The following ISG20 variants were observed in gnomAD, a reference collection of about 807,000 sequenced individuals.
ISG20 encodes interferon-stimulated gene 20 kDa protein.
A neutral mutation model predicts 11.1 loss-of-function variants in ISG20; 8 were observed. The observed-to-expected ratio is 0.72, with a 90% CI of 0.42 to 1.30. The LOEUF is 1.30. Ranked by LOEUF, ISG20 falls within the 50% of genes most tolerant of loss-of-function variation. ISG20 has a pLI of 0.01. For missense variants in ISG20, 243 were observed against 250.2 expected, an observed-to-expected ratio of 0.97 and a Z score of 0.19; for synonymous variants, 110 against 101.7, an observed-to-expected ratio of 1.08 and a Z score of -0.49.
intron 3 of ISG20, among the ~76,000 whole-genome samples, chr15:88,654,153 G>A (rs923953342): frequency 6.6e-6 from 1 of 152,136 alleles, no homozygotes; most frequent in African/African-American, 2.4e-5. Context: ...TGCTGGTGCT[G>A]CATTCTGCTT....
At chr15:88,651,398 C>T (rs570958723) in intron 2 of ISG20, 20 of 650,442 alleles carry the variant, frequency 3.1e-5, no homozygotes, top group Non-Finnish European at 3.6e-5. Flanking sequence ...GTGGGTCTCA[C>T]TGGTCTAAAA....
chr15:88,649,944 C>A, intron 2 of ISG20: 1 of 429,204 alleles, frequency 2.3e-6, no homozygotes, highest in Non-Finnish European at 4.3e-6. Flanking sequence ...CGCATAGTGA[C>A]CCTGGGCAAG....
chr15:88,647,433 A>G (rs1171265844), intron 2 of ISG20: 1 of 152,176 alleles, frequency 6.6e-6, no homozygotes, highest in East Asian at 1.9e-4. Flanking sequence ...CAAACATCTC[A>G]CAATGCCCAG....
In ISG20 at chr15:88,639,619, G is replaced by A. The variant is rs774569674; in HGVS notation, c.228+25G>A. ...GGTGAGTGAAGGCCCGGCCAGCAGGGGCTTTGGAAATAACCCCTCTCCCAC... is the reference window on the plus strand; with the variant it reads ...GGTGAGTGAAGGCCCGGCCAGCAGGAGCTTTGGAAATAACCCCTCTCCCAC... On this transcript the variant is annotated intron_variant, in intron 2 of 3. Transcript: ENST00000306072. This position sits in a 1 kb window ranked among gnomAD's most constrained non-coding sequence, Gnocchi z 4.2. The A allele has an allele frequency of 1.3e-6, 2 of 1,592,020 alleles. No homozygotes were observed. The highest frequency in any genetic ancestry group is 1.1e-5 in the South Asian group (1 of 90,588).
At position 88,655,891 on chromosome 15, in the gene ISG20, C is replaced by A. The variant is rs2058368163; in HGVS notation, c.*360C>A. On this transcript the variant is annotated 3_prime_UTR_variant, in exon 4 of 4. Transcript: ENST00000306072. Reference sequence around the variant, plus strand: ...CAGCCCTATTCCTGGTGCATTTATGCCCAGAGAGGTGGCATTATTTCCTGG... The same window carrying A: ...CAGCCCTATTCCTGGTGCATTTATGACCAGAGAGGTGGCATTATTTCCTGG... The A allele has an allele frequency of 3.5e-5, 6 of 173,722 alleles. No individual in the cohort carries two copies. The South Asian group carries it at 7.2e-4, about 21-fold the overall frequency. 10.8% of individuals were successfully genotyped at this position (173,722 alleles called of 1,614,324 possible).
intron 2 of ISG20, chr15:88,649,999 A>C: frequency 1.9e-6 from 1 of 524,194 alleles, no homozygotes; most frequent in Non-Finnish European, 3.5e-6. Context: ...TTGCCAGGGG[A>C]GAACATGTAA....
At position 88,656,138 on chromosome 15, in the gene ISG20, T is replaced by C. The variant is rs1371516518; in HGVS notation, c.*607T>C. ...TTTGACCTAAGGTGGTTTACTGAAC[T>C]TCTCAGTTTCTCCATCTGTAAAATG... On this transcript the variant is annotated 3_prime_UTR_variant, in exon 4 of 4. Transcript: ENST00000306072. The C allele has an allele frequency of 1.3e-5, 2 of 152,278 alleles. No individual in the cohort carries two copies. The highest frequency in any genetic ancestry group is 3.9e-4 in the East Asian group (2 of 5,194). 9.4% of individuals were successfully genotyped at this position (152,278 alleles called of 1,614,324 possible). A position where few individuals can be genotyped will look rare whatever the true frequency, so the allele number is the denominator to read the frequency against.
Position 88,656,464 on chromosome 15 carries a change from TA to T in ISG20, c.*938del, listed in dbSNP as rs2058376205. Reference sequence around the variant, plus strand: ...TTAATAATTTAGTGCTTCCACTAAATAAAAATCATTGGAATGGTGTCCAAGC... The same window carrying T: ...TTAATAATTTAGTGCTTCCACTAAATAAAATCATTGGAATGGTGTCCAAGC... On this transcript the variant is annotated 3_prime_UTR_variant, in exon 4 of 4. Transcript: ENST00000306072. The T allele has an allele frequency of 6.6e-6, 1 of 151,820 alleles. No individual in the cohort carries two copies. Among genetic ancestry groups the T allele is most frequent in the South Asian group, 2.1e-4 (1 of 4,824 alleles). The allele number at this position is 151,820 out of a possible 1,614,324, so 9.4% of individuals were successfully genotyped here.
Position 88,639,493 on chromosome 15 carries a change from A to C in ISG20, c.127A>C (p.Ile43Leu), listed in dbSNP as rs2058045030. ...VHGAVLYDKF[I>L]RPEGEITDYR... ...CGGTGCTGTGCTGTACGACAAGTTC[A>C]TCCGGCCTGAGGGAGAGATCACCGA... Residue 43 changes from isoleucine (I) to leucine (L), a missense_variant, in exon 2 of 4, where the codon ATC (isoleucine) becomes CTC (leucine). By Grantham distance (5) the Ile-to-Leu change is conservative. Transcript: ENST00000306072. This position sits in a 1 kb window ranked among gnomAD's most constrained non-coding sequence, Gnocchi z 4.2. 6.2e-7 allele frequency: 1 copy of C among 1,614,042 alleles called. No homozygotes were observed. Among genetic ancestry groups the C allele is most frequent in the Admixed American group, 1.7e-5 (1 of 60,008 alleles).
At position 88,652,205 on chromosome 15, in the gene ISG20, C is replaced by G; in HGVS notation, c.324C>G (p.Tyr108Ter). ...LKEDMSGYTI[Y>*]DTSTDRLLWR... ...AGGACATGAGCGGCTACACAATCTA[C>G]GACACGTCCACTGACAGGCTGTTGT... Residue 108 changes from tyrosine (Y) to a stop codon, truncating the protein, a stop_gained, in exon 3 of 4, where the codon TAC becomes TAG. Transcript: ENST00000306072. LOFTEE classifies it high-confidence loss of function. 11 of 1,614,070 alleles carry G rather than the reference C, an allele frequency of 6.8e-6. No homozygotes were observed. The highest frequency in any genetic ancestry group is 9.3e-6 in the Non-Finnish European group (11 of 1,179,970).
chr15:88,650,438 G>T lies in ISG20; in HGVS notation c.229-1672G>T. The stretch of plus-strand genomic sequence containing the variant: ...GTGTGGCAGTGGCAGGCGGGCTCTG[G>T]ATTCATCCCACTGGCTTCAAGGCCT... On this transcript the variant is annotated intron_variant, in intron 2 of 3. Coordinates refer to ENST00000306072, the MANE Select transcript of ISG20 (RefSeq NM_002201.6). This position sits in a 1 kb window ranked among gnomAD's most constrained non-coding sequence, Gnocchi z 4.0. The T allele has an allele frequency of 6.8e-7, 1 of 1,477,076 alleles. No homozygotes were observed. The highest frequency in any genetic ancestry group is 9.0e-7 in the Non-Finnish European group (1 of 1,117,198). 91.5% of individuals were successfully genotyped at this position (1,477,076 alleles called of 1,614,324 possible).
At chr15:88,636,980 A>G (rs1197867753), upstream of ISG20, among the ~76,000 whole-genome samples, 1 of 152,056 alleles carries the variant, frequency 6.6e-6, no homozygotes, top group Admixed American at 6.5e-5. Context: ...CATGACCAGA[A>G]TGTTGGAGGA....
At chr15:88,644,004 A>G (rs2058126031) in intron 2 of ISG20, among the ~76,000 whole-genome samples, 1 of 152,192 alleles carries the variant, frequency 6.6e-6, no homozygotes, top group South Asian at 2.1e-4. Flanking sequence ...ACCTGTATCA[A>G]CAGTACAGTG....
At chr15:88,651,069 C>G in intron 2 of ISG20, 1 of 383,924 alleles carries the variant, frequency 2.6e-6, no homozygotes, top group Non-Finnish European at 3.6e-6. Flanking sequence ...GGCTGGTGGC[C>G]GGACTTCTTA....
rs773760066 is a variant in ISG20, at chr15:88,655,474, A to G, written c.489A>G (p.Gln163=). The G allele has an allele frequency of 3.1e-6, 5 of 1,613,956 alleles. No homozygotes were observed. In the South Asian group the frequency reaches 5.5e-5, roughly 18 times the overall value. Residue 163 remains glutamine, a synonymous_variant, in exon 4 of 4, where the codon CAA becomes CAG. Transcript: ENST00000306072. ...CGAGGGCAACGATGGAGCTCTATCA[A>G]ATCTCCCAGAGAATCCGAGCCCGCC... The part of the protein sequence containing the change: ...EDARATMELY[Q]ISQRIRARRG...
At chr15:88,652,650 C>T (rs1384975384) in intron 3 of ISG20, among the ~76,000 whole-genome samples, 3 of 133,670 alleles carry the variant, frequency 2.2e-5, no homozygotes, top group Admixed American at 7.7e-5. Flanking sequence ...CTCCTCCTCC[C>T]TCATGCCCTC....
intron 2 of ISG20, among the ~76,000 whole-genome samples, chr15:88,645,698 C>G (rs907979798): frequency 7.2e-5 from 11 of 152,260 alleles, no homozygotes; most frequent in African/African-American, 2.4e-4. Context: ...TCCCCCATCC[C>G]TCTCCCTAGA....
At chr15:88,649,507 C>T (rs1807991839) in intron 2 of ISG20, 1 of 152,356 alleles carries the variant, frequency 6.6e-6, no homozygotes, top group Non-Finnish European at 1.5e-5. Context: ...AGCCAAGCCC[C>T]TAGATGGGGA....
At chr15:88,655,209 G>T (rs1379713746) in intron 3 of ISG20, among the ~76,000 whole-genome samples, 3 of 152,242 alleles carry the variant, frequency 2.0e-5, no homozygotes, top group Non-Finnish European at 4.4e-5. Context: ...GCTGGCTTTC[G>T]TGCCACTGGC....
Sources: gnomAD v4.1 joint callset for allele counts (sites outside exome capture counted in the v4.1 genomes callset) on GRCh38, gnomAD v4.1.1 for gene constraint, Gnocchi (gnomAD v3.1) non-coding constraint, MANE v1.5 for transcripts, NCBI Gene and HGNC (gene_info 2026-07-23, HGNC 2026-07-21) for gene names.